Variants in AQP7 observed in about 807,000 individuals in gnomAD.
AQP7 encodes the protein aquaporin 7.
AQP7 carries 22 observed loss-of-function variants against 26.1 expected under a neutral mutation model. The observed-to-expected ratio is 0.84, with a 90% CI of 0.60 to 1.20. The LOEUF (loss-of-function observed/expected upper bound fraction) is 1.20, where lower values mean the gene tolerates loss of function less well. Ranked by LOEUF, AQP7 falls within the 50% of genes most tolerant of loss-of-function variation. The pLI is 0.00. For missense variants in AQP7, 412 were observed against 457.5 expected, an observed-to-expected ratio of 0.90 and a Z score of 0.91; for synonymous variants, 167 against 181.7, an observed-to-expected ratio of 0.92 and a Z score of 0.65.
chr9:33,400,223 G>A (rs1826161066), intron 2 of AQP7, among the ~76,000 whole-genome samples: 2 of 152,188 alleles, frequency 1.3e-5, no homozygotes, highest in Non-Finnish European at 2.9e-5. Flanking sequence ...GCAATGAAAT[G>A]TAATAAGTAA....
At chr9:33,401,099 A>C (rs1445302253) in intron 2 of AQP7, 138 bp downstream of exon 2, 1 of 884,352 alleles carries the variant, frequency 1.1e-6, no homozygotes, top group Non-Finnish European at 1.8e-6. Context: ...CTCAGAGGCG[A>C]GTGGGTGGGT....
At chr9:33,396,227 C>T (rs1308329656) in intron 2 of AQP7, among the ~76,000 whole-genome samples, 4 of 152,064 alleles carry the variant, frequency 2.6e-5, no homozygotes, top group Non-Finnish European at 5.9e-5. Context: ...CACCTGAGGT[C>T]GGGAGTTCGA....
chr9:33,391,159 T>C (rs1444249130), intron 3 of AQP7, among the ~76,000 whole-genome samples: 1 of 152,222 alleles, frequency 6.6e-6, no homozygotes, highest in Non-Finnish European at 1.5e-5. Flanking sequence ...CCCACATGAT[T>C]CCCTGTGTCA....
chr9:33,393,527 C>G (rs1825593424), intron 3 of AQP7, among the ~76,000 whole-genome samples: 1 of 152,226 alleles, frequency 6.6e-6, no homozygotes, highest in African/African-American at 2.4e-5. Context: ...TAGCATGCAC[C>G]TGGCTGCCTT....
intron 1 of AQP7, among the ~76,000 whole-genome samples, 157 bp downstream of exon 1, chr9:33,402,216 A>G (rs1009872616): frequency 1.3e-5 from 2 of 152,182 alleles, no homozygotes; most frequent in South Asian, 2.1e-4. Context: ...GGACTGCACC[A>G]TAACAAGAAA....
chr9:33,393,240 G>A (rs1175356012), intron 3 of AQP7, among the ~76,000 whole-genome samples: 3 of 152,114 alleles, frequency 2.0e-5, no homozygotes, highest in Admixed American at 2.0e-4. Flanking sequence ...AAATAAGAAA[G>A]CTAAATTTGT....
intron 3 of AQP7, chr9:33,391,538 C>G (rs1364799653): frequency 4.0e-6 from 1 of 250,900 alleles, no homozygotes; most frequent in Non-Finnish European, 9.1e-6. Flanking sequence ...CCATCCAACT[C>G]TCCCCCACAG....
At chr9:33,386,325 A>C in intron 5 of AQP7, 79 bp downstream of exon 5, 2 of 1,596,872 alleles carry the variant, frequency 1.3e-6, no homozygotes, top group Non-Finnish European at 1.7e-6. Context: ...TTTACAAATC[A>C]GGACACTGAG....
At chr9:33,401,061 C>T in intron 2 of AQP7, 176 bp downstream of exon 2, 2 of 689,798 alleles carry the variant, frequency 2.9e-6, no homozygotes, top group Admixed American at 4.7e-5. Flanking sequence ...GCCCAGGCAA[C>T]AGGTGGAAGA....
At chr9:33,394,134 C>T (rs1825647661) in intron 3 of AQP7, 1 of 152,336 alleles carries the variant, frequency 6.6e-6, no homozygotes, top group East Asian at 1.9e-4. Flanking sequence ...CACCTCTCAC[C>T]CTGTGCTGGG....
At position 33,385,189 on chromosome 9, in the gene AQP7, C is replaced by T. The variant is rs774564666; in HGVS notation, c.845G>A (p.Arg282Gln). 74 of 1,611,776 alleles carry T rather than the reference C, an allele frequency of 4.6e-5. No individual in the cohort carries two copies. The highest frequency in any genetic ancestry group is 3.8e-5 in the Non-Finnish European group (45 of 1,179,848). ...YLVFIGSTIP[R>Q]EPLKLEDSVA... is the part of the protein sequence containing the mutation. ...AGAATCCTCCAATTTCAGGGGCTCC[C>T]GTGGGATGGTGGAGCCAATGAAGAC... The change falls in exon 8 of 8, where the codon CGG becomes CAG. Residue 282 changes from arginine to glutamine, a missense_variant. Arg to Gln is a conservative substitution (Grantham distance 43, BLOSUM62 1). Transcript: ENST00000297988.
chr9:33,388,819 G>A (rs1825109678), intron 3 of AQP7, among the ~76,000 whole-genome samples: 1 of 152,182 alleles, frequency 6.6e-6, no homozygotes, highest in South Asian at 2.1e-4. Flanking sequence ...CAACTGTGCT[G>A]CTCCATGCAT....
At chr9:33,387,492 A>C (rs1241455876) in intron 3 of AQP7, among the ~76,000 whole-genome samples, 1 of 151,976 alleles carries the variant, frequency 6.6e-6, no homozygotes, top group Non-Finnish European at 1.5e-5. Context: ...GGGACCTCCA[A>C]ATCCATCCGT....
In AQP7 at chr9:33,387,501, G is replaced by A. The variant is rs2380977; in HGVS notation, c.145-409C>T. Among the ~76,000 whole-genome samples, 293 of 151,878 alleles carry A rather than the reference G, an allele frequency of 1.9e-3. 1 individual carries two copies. The highest frequency in any genetic ancestry group is 4.1e-3 in the East Asian group (21 of 5,132). ...CTTCAAGGGACCTCCAAATCCATCC[G>A]TGCCTGACTCTGCCAGGAACCCCTC... On this transcript the variant is annotated intron_variant, in intron 3 of 7. Transcript: ENST00000297988.
rs1206150599 is a variant in AQP7 at position 33,395,156 on chromosome 9, T to C, written c.66A>G (p.Ile22Met). The C allele has an allele frequency of 6.2e-7, 1 of 1,613,850 alleles. No homozygotes were observed. Among genetic ancestry groups the C allele is most frequent in the Non-Finnish European group, 8.5e-7 (1 of 1,179,868 alleles). The change falls in exon 3 of 8, where the codon ATA becomes ATG. Residue 22 changes from isoleucine to methionine, a missense_variant. By Grantham distance (10) the Ile-to-Met change is conservative (BLOSUM62 1). Coordinates refer to ENST00000297988, the MANE Select transcript of AQP7 (RefSeq NM_001170.3). ...RGSKMVSWSV[I>M]AKIQEILQRK... ...TCTGCAGTATTTCCTGGATCTTTGC[T>C]ATCACGGACCAGGAGACCATTTTGG... is the stretch of plus-strand genomic sequence containing the variant.
chr9:33,402,364 C>T lies in AQP7; in HGVS notation c.-26+9G>A, dbSNP rs1477708068. ...GCCCCATCCCCACCCTGCCTGGAGC[C>T]CCACTCACTCTGCTGAAATGTCTCT... On this transcript the variant is annotated intron_variant, in intron 1 of 7. Coordinates refer to ENST00000297988, the MANE Select transcript of AQP7 (RefSeq NM_001170.3). The T allele has an allele frequency of 2.6e-5, 4 of 152,762 alleles. No homozygotes were observed. The highest frequency in any genetic ancestry group is 2.6e-4 in the Admixed American group (4 of 15,288). The allele number at this position is 152,762 out of a possible 1,614,324, so 9.5% of individuals were successfully genotyped here. A position where few individuals can be genotyped will look rare whatever the true frequency, so the allele number is the denominator to read the frequency against.
At chr9:33,388,227 C>T (rs2380987) in intron 3 of AQP7, among the ~76,000 whole-genome samples, 1 of 152,298 alleles carries the variant, frequency 6.6e-6, no homozygotes, top group Non-Finnish European at 1.5e-5. Context: ...GTTGAAGGTT[C>T]GCCATCTCAC....
chr9:33,386,845 T>G (rs564997437), intron 4 of AQP7, 124 bp downstream of exon 4: 313 of 1,428,744 alleles, frequency 2.2e-4, no homozygotes, highest in Non-Finnish European at 2.8e-4. Context: ...GGAGACTTCC[T>G]CCCGCCCGGT....
intron 3 of AQP7, among the ~76,000 whole-genome samples, chr9:33,390,537 C>G (rs1260819009): frequency 6.6e-6 from 1 of 151,844 alleles, no homozygotes; most frequent in Non-Finnish European, 1.5e-5. Flanking sequence ...TGAAATAGCC[C>G]AGATATGGTG....
Sources: allele counts gnomAD v4.1 joint callset (sites outside exome capture counted in the v4.1 genomes callset), GRCh38; gene constraint gnomAD v4.1.1; transcripts MANE v1.5; gene names NCBI Gene and HGNC (gene_info 2026-07-23, HGNC 2026-07-21).